Variants in OR2A12 observed in about 807,000 individuals in gnomAD.
The protein encoded by OR2A12 is olfactory receptor 2A12.
For missense variants in OR2A12, 380 were observed against 372.5 expected, an observed-to-expected ratio of 1.02 and a Z score of -0.17; for synonymous variants, 153 against 149.3, an observed-to-expected ratio of 1.02 and a Z score of -0.18.
chr7:144,087,022 G>A (rs1315429710), intron 1 of OR2A12, among the ~76,000 whole-genome samples: 1 of 152,158 alleles, frequency 6.6e-6, no homozygotes, highest in African/African-American at 2.4e-5. Flanking sequence ...CTTGTGGGAA[G>A]GAGCTGGTAG....
rs1461231053 is a variant in OR2A12, at chr7:144,098,613, A to T, written c.*2573A>T. ...TAGGTTCTCTGGCTCCAGAGCTGGT[A>T]TTCTTTTATTGTTAAACAATAGAAA... On this transcript the variant is annotated 3_prime_UTR_variant, in exon 2 of 2. Transcript: ENST00000641592. 6.6e-6 allele frequency: 1 copy of T among 152,156 alleles called. No individual in the cohort carries two copies. Among genetic ancestry groups the T allele is most frequent in the Non-Finnish European group, 1.5e-5 (1 of 68,006 alleles). 9.4% of individuals were successfully genotyped at this position (152,156 alleles called of 1,614,324 possible). A position where few individuals can be genotyped will look rare whatever the true frequency, so the allele number is the denominator to read the frequency against.
Position 144,098,607 on chromosome 7 carries a change from G to A in OR2A12, c.*2567G>A, listed in dbSNP as rs184538530. On this transcript the variant is annotated 3_prime_UTR_variant, in exon 2 of 2. Coordinates refer to ENST00000641592, the MANE Select transcript of OR2A12 (RefSeq NM_001004135.2). ...AAAAAATAGGTTCTCTGGCTCCAGA[G>A]CTGGTATTCTTTTATTGTTAAACAA... 7 of 152,310 alleles carry A rather than the reference G, an allele frequency of 4.6e-5. No homozygotes were observed. The East Asian group carries it at 7.7e-4, about 17-fold the overall frequency. 9.4% of individuals were successfully genotyped at this position (152,310 alleles called of 1,614,324 possible). A position where few individuals can be genotyped will look rare whatever the true frequency, so the allele number is the denominator to read the frequency against.
At chr7:144,087,335 G>C (rs563002549) in intron 1 of OR2A12, among the ~76,000 whole-genome samples, 1 of 152,308 alleles carries the variant, frequency 6.6e-6, no homozygotes, top group East Asian at 1.9e-4. Flanking sequence ...TCTAATAGCA[G>C]AGAAGCCCAT....
At chr7:144,091,143 C>A (rs1376049930) in intron 1 of OR2A12, among the ~76,000 whole-genome samples, 1 of 152,192 alleles carries the variant, frequency 6.6e-6, no homozygotes, top group Non-Finnish European at 1.5e-5. Context: ...GTAATCCCAG[C>A]ATTTTGGGAG....
chr7:144,086,879 A>AGAGC (rs1252558844), intron 1 of OR2A12, among the ~76,000 whole-genome samples: 2 of 152,210 alleles, frequency 1.3e-5, no homozygotes, highest in Non-Finnish European at 2.9e-5. Context: ...AAAAAAAGAG[A>AGAGC]GAGCGAGCGA....
At chr7:144,086,764 C>T (rs2051190416) in intron 1 of OR2A12, among the ~76,000 whole-genome samples, 1 of 152,120 alleles carries the variant, frequency 6.6e-6, no homozygotes, top group African/African-American at 2.4e-5. Flanking sequence ...GAGGCAAATA[C>T]CAGAAATAGT....
chr7:144,087,482 A>C (rs2051195025), intron 1 of OR2A12, among the ~76,000 whole-genome samples: 1 of 152,182 alleles, frequency 6.6e-6, no homozygotes, highest in Admixed American at 6.5e-5. Flanking sequence ...TTTTGGGGAA[A>C]AGTCCTGGCT....
At position 144,095,571 on chromosome 7, in the gene OR2A12, C is replaced by G. The variant is rs1250094737; in HGVS notation, c.464C>G (p.Ala155Gly). ...TGCTGGATATTTAGCTTTCTCTTGG[C>G]TCTGGTCCATATTACTCTTATTCTG... ...STCWIFSFLL[A>G]LVHITLILRL... Residue 155 changes from alanine to glycine, a missense_variant, in exon 2 of 2, where the codon GCT becomes GGT. Physicochemically the swap from Ala to Gly is moderately conservative, Grantham distance 60 (BLOSUM62 0). Coordinates refer to ENST00000641592, the MANE Select transcript of OR2A12 (RefSeq NM_001004135.2). The G allele has an allele frequency of 6.2e-7, 1 of 1,614,086 alleles. No homozygotes were observed. The highest frequency in any genetic ancestry group is 1.7e-5 in the Admixed American group (1 of 60,012).
Position 144,098,935 on chromosome 7 carries a change from C to G in OR2A12, c.*2895C>G, listed in dbSNP as rs6949228. The stretch of plus-strand genomic sequence containing the variant: ...TTCTTCTTTCTTTCCTTCCTTCCTT[C>G]CTTTCTCTTTCTCTTCCTTCCTTCC... On this transcript the variant is annotated 3_prime_UTR_variant, in exon 2 of 2. Transcript: ENST00000641592. 7.3e-5 allele frequency: 11 copies of G among 151,060 alleles called. No homozygotes were observed. The highest frequency in any genetic ancestry group is 2.7e-4 in the African/African-American group (11 of 40,934). 9.4% of individuals were successfully genotyped at this position (151,060 alleles called of 1,614,324 possible). A position where few individuals can be genotyped will look rare whatever the true frequency, so the allele number is the denominator to read the frequency against.
rs771710012 is a variant in OR2A12 at position 144,095,093 on chromosome 7, TTC to T, written c.-13_-12del. 28 of 1,559,934 alleles carry T rather than the reference TTC, an allele frequency of 1.8e-5. No individual in the cohort carries two copies. The highest frequency in any genetic ancestry group is 2.3e-5 in the Non-Finnish European group (27 of 1,151,948). On this transcript the variant is annotated 5_prime_UTR_variant, in exon 2 of 2. Coordinates refer to ENST00000641592, the MANE Select transcript of OR2A12 (RefSeq NM_001004135.2). ...CTGTCTTAAGTACATCACAAGATTT[TTC>T]TGTCACGAGAACATGGAAAGCAATC...
In OR2A12 at chr7:144,098,748, G is replaced by C. The variant is rs969586734; in HGVS notation, c.*2708G>C. The C allele has an allele frequency of 3.9e-5, 6 of 152,306 alleles. No homozygotes were observed. Among genetic ancestry groups the C allele is most frequent in the Admixed American group, 2.6e-4 (4 of 15,264 alleles). The allele number at this position is 152,306 out of a possible 1,614,324, so 9.4% of individuals were successfully genotyped here. ...TCTACACATGGCAGAGAGAGAGAGA[G>C]CCCATATTCTCAATACAATACTAAC... On this transcript the variant is annotated 3_prime_UTR_variant, in exon 2 of 2. Coordinates refer to ENST00000641592, the MANE Select transcript of OR2A12 (RefSeq NM_001004135.2).
In OR2A12 at chr7:144,096,052, A is replaced by G. The variant is rs191790094; in HGVS notation, c.*12A>G. 25 of 1,556,512 alleles carry G rather than the reference A, an allele frequency of 1.6e-5. No homozygotes were observed. In the Admixed American group the frequency reaches 4.5e-4, roughly 28 times the overall value. On this transcript the variant is annotated 3_prime_UTR_variant, in exon 2 of 2. Coordinates refer to ENST00000641592, the MANE Select transcript of OR2A12 (RefSeq NM_001004135.2). ...AGAGATCAATGTGAAGAATCATTTGAGATATCCTGAGTGTGTAAGCATGGT... is the reference window on the plus strand; with the variant it reads ...AGAGATCAATGTGAAGAATCATTTGGGATATCCTGAGTGTGTAAGCATGGT...
intron 1 of OR2A12, among the ~76,000 whole-genome samples, chr7:144,092,760 A>C (rs1010711119): frequency 2.0e-5 from 3 of 152,104 alleles, no homozygotes; most frequent in Non-Finnish European, 2.9e-5. Flanking sequence ...CTTTAGTCTG[A>C]GTAGTAAATG....
intron 1 of OR2A12, among the ~76,000 whole-genome samples, chr7:144,090,473 T>A (rs900229132): frequency 4.6e-5 from 7 of 152,086 alleles, no homozygotes; most frequent in African/African-American, 1.7e-4. Context: ...TAAGATGAGA[T>A]AAATTTTAAA....
intron 1 of OR2A12, among the ~76,000 whole-genome samples, chr7:144,091,345 T>G (rs186760223): frequency 2.2e-3 from 337 of 152,294 alleles, no homozygotes; most frequent in Non-Finnish European, 4.1e-3. Context: ...GAGCCAAAAT[T>G]GTGCCATTGC....
intron 1 of OR2A12, among the ~76,000 whole-genome samples, chr7:144,087,100 G>T (rs1289763984): frequency 3.3e-5 from 5 of 152,170 alleles, no homozygotes; most frequent in African/African-American, 1.2e-4. Context: ...TATTCCTGCT[G>T]CCTCCTTTAC....
intron 1 of OR2A12, among the ~76,000 whole-genome samples, chr7:144,092,084 C>T (rs1298841862): frequency 6.6e-6 from 1 of 152,122 alleles, no homozygotes; most frequent in Non-Finnish European, 1.5e-5. Flanking sequence ...AGCTAGTTCT[C>T]CCAGCACCAT....
At chr7:144,091,167 G>T (rs542396803) in intron 1 of OR2A12, among the ~76,000 whole-genome samples, 1 of 152,316 alleles carries the variant, frequency 6.6e-6, no homozygotes, top group South Asian at 2.1e-4. Context: ...AAGGCAGGCG[G>T]ATCATTTGAT....
chr7:144,088,766 C>G (rs1427064369), intron 1 of OR2A12, among the ~76,000 whole-genome samples: 1 of 152,122 alleles, frequency 6.6e-6, no homozygotes, highest in African/African-American at 2.4e-5. Context: ...CAAACAAAAT[C>G]ATGGTGGTGT....
Sources: allele counts gnomAD v4.1 joint callset (sites outside exome capture counted in the v4.1 genomes callset), GRCh38; gene constraint gnomAD v4.1.1; transcripts MANE v1.5; gene names NCBI Gene and HGNC (gene_info 2026-07-23, HGNC 2026-07-21).